The following COL12A1 variants were observed in gnomAD, a reference collection of about 807,000 sequenced individuals.
COL12A1 encodes the protein collagen alpha-1(XII) chain.
In COL12A1, 114 loss-of-function variants were observed where a neutral mutation model predicts 349.7. The ratio of observed to expected loss-of-function variants is 0.33; its 90% confidence interval spans 0.28 to 0.38. The LOEUF is 0.38. Ranked by LOEUF, COL12A1 falls within the 10% of genes least tolerant of loss-of-function variation. The pLI is 1.00. For synonymous variants in COL12A1, 1,369 were observed against 1,329.0 expected (o/e 1.03, Z -0.66); for missense variants, 3,284 against 3,756.9 (o/e 0.87, Z 3.29).
chr6:75,148,968 T>C (rs933061240), intron 21 of COL12A1, among the ~76,000 whole-genome samples: 14 of 152,184 alleles, frequency 9.2e-5, no homozygotes, highest in African/African-American at 3.4e-4. Flanking sequence ...AATGCTTTTA[T>C]AAGGGTTTAC....
intron 16 of COL12A1, among the ~76,000 whole-genome samples, chr6:75,155,453 C>G: frequency 6.6e-6 from 1 of 152,180 alleles, no homozygotes; most frequent in East Asian, 1.9e-4. Context: ...AAATCCTGCT[C>G]AGGCCTAAAT....
chr6:75,196,780 A>T (rs982284004), intron 2 of COL12A1, among the ~76,000 whole-genome samples: 1 of 152,238 alleles, frequency 6.6e-6, no homozygotes, highest in African/African-American at 2.4e-5. Flanking sequence ...TTTAAAAAAA[A>T]TCAGTACATG....
At chr6:75,087,904 C>A (rs1004509386) in intron 64 of COL12A1, among the ~76,000 whole-genome samples, 157 bp from the exon 65 acceptor site, 1 of 152,128 alleles carries the variant, frequency 6.6e-6, no homozygotes, top group Admixed American at 6.5e-5. Context: ...CCAATATGAA[C>A]CAAGGTGTGA....
chr6:75,134,649 A>G, intron 32 of COL12A1, 77 bp downstream of exon 32: 7 of 1,312,754 alleles, frequency 5.3e-6, no homozygotes, highest in Non-Finnish European at 7.1e-6. Context: ...GTGTCACCCC[A>G]GTGTTTCCAG....
At position 75,102,681 on chromosome 6, in the gene COL12A1, AC is replaced by A; in HGVS notation, c.8330del (p.Gly2777ValfsTer6). 1 of 1,553,302 alleles carries A rather than the reference AC, an allele frequency of 6.4e-7. No homozygotes were observed. The highest frequency in any genetic ancestry group is 8.7e-7 in the Non-Finnish European group (1 of 1,153,538). On this transcript the variant is annotated frameshift_variant, in exon 56 of 66. Transcript: ENST00000322507. LOFTEE classifies it high-confidence loss of function. ...RGISGAIGPPGPRGDIGPPGP... is the reference protein window; with the variant it reads ...RGISGAIGPPXPRGDIGPPGP... Reference sequence around the variant, plus strand: ...CTGGAGGACCTATGTCTCCACGAGGACCAGGGGGCCCCTAAAATACACAAGA... The same window carrying A: ...CTGGAGGACCTATGTCTCCACGAGGACAGGGGGCCCCTAAAATACACAAGA...
At position 75,183,317 on chromosome 6, in the gene COL12A1, G is replaced by T; in HGVS notation, c.1624C>A (p.Pro542Thr). ...TCCGTGATAAGAATCATGACCTTTG[G>T]CACATTGCTTCTTGATCCCTTGCTA... is the stretch of plus-strand genomic sequence containing the variant. ...VPSKGSRSNV[P>T]KVMILITDGK... The change falls in exon 10 of 66, where the codon CCA becomes ACA. Residue 542 changes from proline (P) to threonine (T), a missense_variant. Pro to Thr is a conservative substitution (Grantham distance 38). Transcript: ENST00000322507. 6.2e-7 allele frequency: 1 copy of T among 1,614,152 alleles called. No homozygotes were observed. The highest frequency in any genetic ancestry group is 8.5e-7 in the Non-Finnish European group (1 of 1,180,024).
intron 51 of COL12A1, among the ~76,000 whole-genome samples, chr6:75,110,369 G>C (rs959076452): frequency 2.6e-5 from 4 of 151,960 alleles, no homozygotes; most frequent in Non-Finnish European, 5.9e-5. Context: ...GCTAACCATA[G>C]AGAAACACAT....
chr6:75,103,812 T>TA lies in COL12A1; in HGVS notation c.8266-3dup. 1 of 1,611,812 alleles carries TA rather than the reference T, an allele frequency of 6.2e-7. No homozygotes were observed. Among genetic ancestry groups the TA allele is most frequent in the South Asian group, 1.1e-5 (1 of 90,940 alleles). On this transcript the variant is annotated splice_region_variant and splice_polypyrimidine_tract_variant and intron_variant, in intron 54 of 65. Transcript: ENST00000322507. ...GGGACCTTTAGCACCAGGTCCTCCC[T>TA]AAAATACATAGAGCACATAGTAGTG...
At chr6:75,174,904 G>T in intron 13 of COL12A1, 134 bp downstream of exon 13, 2 of 1,047,614 alleles carry the variant, frequency 1.9e-6, no homozygotes, top group Non-Finnish European at 2.7e-6. Context: ...ATGGTTATTT[G>T]TTTTTCAATA....
At chr6:75,120,649 A>G (rs1489304749) in intron 44 of COL12A1, among the ~76,000 whole-genome samples, 1 of 152,170 alleles carries the variant, frequency 6.6e-6, no homozygotes, top group Non-Finnish European at 1.5e-5. Context: ...GAACCTCACC[A>G]GAGGGGGTGA....
Position 75,177,844 on chromosome 6 carries a change from T to G in COL12A1, c.2256A>C (p.Arg752Ser). Residue 752 changes from arginine to serine, a missense_variant, in exon 12 of 66, where the codon AGA (arginine) becomes AGC (serine). Arg to Ser is a moderately radical substitution (Grantham distance 110). Transcript: ENST00000322507. ...TWTQAPGRVL[R>S]YRIIYRPVAG... ...CAACTGGTCTATATATAATTCGATA[T>G]CTTAAAACTCTCCCTGGAGCTTGAG... 6.2e-7 allele frequency: 1 copy of G among 1,614,142 alleles called. No individual in the cohort carries two copies. Among genetic ancestry groups the G allele is most frequent in the Non-Finnish European group, 8.5e-7 (1 of 1,180,028 alleles).
intron 51 of COL12A1, among the ~76,000 whole-genome samples, chr6:75,111,354 T>C (rs1768831705): frequency 6.6e-6 from 1 of 151,784 alleles, no homozygotes; most frequent in African/African-American, 2.4e-5. Context: ...GCAAATGCCT[T>C]TCTGGGGAGG....
At chr6:75,093,951 T>C (rs775503655) in intron 60 of COL12A1, among the ~76,000 whole-genome samples, 19 of 152,188 alleles carry the variant, frequency 1.2e-4, no homozygotes, top group Non-Finnish European at 2.4e-4. Flanking sequence ...GTAGAAAAGT[T>C]TCATATACTT....
chr6:75,119,607 C>T (rs1460723101), intron 44 of COL12A1, 134 bp from the exon 45 acceptor site: 2 of 920,104 alleles, frequency 2.2e-6, no homozygotes, highest in African/African-American at 1.7e-5. Flanking sequence ...ATATTGTAAG[C>T]TCTTTATAGC....
At chr6:75,088,605 C>G (rs1012244262) in intron 64 of COL12A1, among the ~76,000 whole-genome samples, 13 of 152,116 alleles carry the variant, frequency 8.5e-5, no homozygotes, top group African/African-American at 3.1e-4. Context: ...CTAATAGAAA[C>G]TTTTCATTTT....
chr6:75,128,560 TGACAA>T (rs1202370633), intron 37 of COL12A1, 135 bp from the exon 38 acceptor site: 8 of 682,362 alleles, frequency 1.2e-5, no homozygotes, highest in Non-Finnish European at 1.7e-5. Flanking sequence ...ACAATGCTCG[TGACAA>T]GACAAACTAT....
chr6:75,184,132 G>A lies in COL12A1; in HGVS notation c.1010C>T (p.Pro337Leu), dbSNP rs1769484088. The change falls in exon 9 of 66, where the codon CCT (proline) becomes CTT (leucine). Residue 337 changes from proline (P) to leucine (L), a missense_variant. Around this residue, in one of 2 missense-constraint regions of COL12A1, gnomAD observed 2,601 missense variants for 2,824.8 expected, o/e 0.92. Transcript: ENST00000322507. The stretch of plus-strand genomic sequence containing the variant: ...GACTTCCATGGCAATCAAATTTGAA[G>A]GAGGCTCAACAACTAAAAAGTTACA... Reference protein sequence around the residue: ...LVSGEEVVEPPSNLIAMEVSS... With the variant: ...LVSGEEVVEPLSNLIAMEVSS... 2 of 1,613,506 alleles carry A rather than the reference G, an allele frequency of 1.2e-6. No homozygotes were observed. The highest frequency in any genetic ancestry group is 1.7e-4 in the Middle Eastern group (1 of 6,046).
rs768103117 is a variant in COL12A1 at position 75,123,953 on chromosome 6, T to C, written c.6866A>G (p.His2289Arg). The C allele has an allele frequency of 6.2e-7, 1 of 1,606,712 alleles. No individual in the cohort carries two copies. The highest frequency in any genetic ancestry group is 8.5e-7 in the Non-Finnish European group (1 of 1,174,834). ...LEGPGVSVKEHTTVKPTEAPT... is the reference protein window; with the variant it reads ...LEGPGVSVKERTTVKPTEAPT... ...CAGATTCCTCAAAAACTTACTGGTA[T>C]GTTCTTTAACAGAGACTCCTGGTCC... The change falls in exon 42 of 66, where the codon CAT becomes CGT. Residue 2289 changes from histidine (H) to arginine (R), a missense_variant. Physicochemically the swap from His to Arg is conservative, Grantham distance 29 (BLOSUM62 0). Around this residue, in one of 2 missense-constraint regions of COL12A1, gnomAD observed 2,601 missense variants for 2,824.8 expected, o/e 0.92. Coordinates refer to ENST00000322507, the MANE Select transcript of COL12A1 (RefSeq NM_004370.6).
At chr6:75,097,328 T>C in intron 58 of COL12A1, 22 bp from the exon 59 acceptor site, 2 of 1,606,486 alleles carry the variant, frequency 1.2e-6, no homozygotes, top group Non-Finnish European at 1.7e-6. Flanking sequence ...ATGAAAGTAA[T>C]TACAGTTAGG....
Sources: allele counts gnomAD v4.1 joint callset (sites outside exome capture counted in the v4.1 genomes callset), GRCh38; gene constraint gnomAD v4.1.1; regional missense constraint gnomAD v4.1.1; transcripts MANE v1.5; gene names NCBI Gene and HGNC (gene_info 2026-07-23, HGNC 2026-07-21).